SLC36A1: variants seen among roughly 807,000 people sequenced by gnomAD.
The protein encoded by SLC36A1 is proton-coupled amino acid transporter 1.
A neutral mutation model predicts 47.5 loss-of-function variants in SLC36A1; 30 were observed. That is an observed-to-expected ratio of 0.63 (90% confidence interval 0.47 to 0.86). The LOEUF (loss-of-function observed/expected upper bound fraction) is 0.86. Among genes scored for constraint, SLC36A1 ranks in the 40% least tolerant of loss-of-function variants. The pLI is 0.00. For missense variants in SLC36A1, 517 were observed against 606.0 expected, an observed-to-expected ratio of 0.85 and a Z score of 1.54; for synonymous variants, 255 against 249.7, an observed-to-expected ratio of 1.02 and a Z score of -0.20.
At chr5:151,494,624 G>T (rs1180131178), downstream of SLC36A1, among the ~76,000 whole-genome samples, 1 of 152,158 alleles carries the variant, frequency 6.6e-6, no homozygotes, top group Non-Finnish European at 1.5e-5. Context: ...GTTGTTACAT[G>T]TATCTGTAAT....
the SLC36A1 span, chr5:151,505,807 C>T: frequency 6.2e-7 from 1 of 1,613,820 alleles, no homozygotes; most frequent in Non-Finnish European, 8.5e-7. Context: ...GCCGTGTACT[C>T]ATTGAGACAG....
At chr5:151,405,704 T>A in the SLC36A1 span, among the ~76,000 whole-genome samples, 3 of 152,340 alleles carry the variant, frequency 2.0e-5, no homozygotes, top group Non-Finnish European at 2.9e-5. Context: ...TTTCTTTATC[T>A]TTTTGAATTT....
chr5:151,362,581 A>G, the SLC36A1 span, among the ~76,000 whole-genome samples: 4 of 151,670 alleles, frequency 2.6e-5, no homozygotes, highest in African/African-American at 9.7e-5. Context: ...AGTAGAGATG[A>G]GGTTTCACCA....
chr5:151,512,476 C>G, the SLC36A1 span: 1 of 1,614,168 alleles, frequency 6.2e-7, no homozygotes, highest in Non-Finnish European at 8.5e-7. The surrounding 1 kb of genome is among the most constrained non-coding windows in gnomAD (Gnocchi z 4.1). Context: ...AACCATCAGG[C>G]GAATGGAAGC....
At chr5:151,505,155 C>T in the SLC36A1 span, 1 of 280,354 alleles carries the variant, frequency 3.6e-6, no homozygotes, top group Non-Finnish European at 6.8e-6. Context: ...CACCAACCTG[C>T]CTGCCTCCAA....
chr5:151,533,393 A>AAAACACACACCC, the SLC36A1 span, among the ~76,000 whole-genome samples: 1 of 132,114 alleles, frequency 7.6e-6, no homozygotes, highest in African/African-American at 2.8e-5. Context: ...TGTTATCTCC[A>AAAACACACACCC]ACACACACAC....
intron 10 of SLC36A1, among the ~76,000 whole-genome samples, chr5:151,483,709 C>T (rs774277376): frequency 6.6e-6 from 1 of 152,156 alleles, no homozygotes; most frequent in African/African-American, 2.4e-5. Flanking sequence ...AAGTCATTTT[C>T]CATGGTGGCA....
the SLC36A1 span, among the ~76,000 whole-genome samples, chr5:151,420,457 T>A: frequency 5.9e-5 from 9 of 152,320 alleles, no homozygotes; most frequent in African/African-American, 1.9e-4. Flanking sequence ...GACACGCTGC[T>A]GCTTCCCAGA....
chr5:151,375,133 T>C, the SLC36A1 span, among the ~76,000 whole-genome samples: 2 of 152,220 alleles, frequency 1.3e-5, no homozygotes, highest in Non-Finnish European at 2.9e-5. Context: ...ATTCTTCGCC[T>C]AGTCTAATGT....
the SLC36A1 span, among the ~76,000 whole-genome samples, chr5:151,554,030 C>T: frequency 1.3e-5 from 2 of 152,200 alleles, no homozygotes; most frequent in South Asian, 2.1e-4. Context: ...AAAGGTTAAA[C>T]GACTTGTCCA....
chr5:151,507,699 T>C, the SLC36A1 span: 2 of 1,248,040 alleles, frequency 1.6e-6, no homozygotes, highest in Non-Finnish European at 2.2e-6. Context: ...TAGAGACTGC[T>C]CCCCCCAAAA....
chr5:151,458,312 GTA>G (rs35929969), intron 1 of SLC36A1, among the ~76,000 whole-genome samples: 6,270 of 111,116 alleles, frequency 0.056, 503 homozygotes, highest in African/African-American at 0.2. Context: ...GTGTATATAC[GTA>G]TATATATATA....
At chr5:151,501,918 C>G in the SLC36A1 span, among the ~76,000 whole-genome samples, 3 of 148,496 alleles carry the variant, frequency 2.0e-5, no homozygotes, top group East Asian at 5.8e-4. Context: ...TAGATGATAA[C>G]ATAGGAGAAA....
At chr5:151,352,743 C>G in the SLC36A1 span, among the ~76,000 whole-genome samples, 1 of 152,226 alleles carries the variant, frequency 6.6e-6, no homozygotes, top group Non-Finnish European at 1.5e-5. Context: ...CTCTCTCTGA[C>G]TCTGCTTCTA....
the SLC36A1 span, among the ~76,000 whole-genome samples, chr5:151,533,392 CAACACACACACACACACA>C: frequency 8.6e-6 from 1 of 116,500 alleles, no homozygotes; most frequent in East Asian, 2.5e-4. Flanking sequence ...TTGTTATCTC[CAACACACACACACACACA>C]CACACACACA....
the SLC36A1 span, among the ~76,000 whole-genome samples, chr5:151,394,016 T>G: frequency 6.6e-6 from 1 of 152,358 alleles, no homozygotes; most frequent in African/African-American, 2.4e-5. Flanking sequence ...TTGGTTCCAT[T>G]CTCCCCATCA....
the SLC36A1 span, among the ~76,000 whole-genome samples, chr5:151,405,224 AT>A: frequency 6.6e-6 from 1 of 152,066 alleles, no homozygotes; most frequent in African/African-American, 2.4e-5. Flanking sequence ...AAAATTTTCA[AT>A]TCCAGAATAA....
At position 151,467,886 on chromosome 5, in the gene SLC36A1, G is replaced by T; in HGVS notation, c.684G>T (p.Met228Ile). The change falls in exon 7 of 11, where the codon ATG (methionine) becomes ATT (isoleucine). Residue 228 changes from methionine to isoleucine, a missense_variant. Met to Ile is a conservative substitution (Grantham distance 10). Transcript: ENST00000243389. ...TCTCCCTGTTGGCCAACATCACCAT[G>T]CTGGTCAGCTTGGTCATGATCTACC... The part of the protein sequence containing the change: ...SIFSLLANIT[M>I]LVSLVMIYQF... 10 of 1,613,804 alleles carry T rather than the reference G, an allele frequency of 6.2e-6. No homozygotes were observed. The highest frequency in any genetic ancestry group is 6.8e-6 in the Non-Finnish European group (8 of 1,179,954).
chr5:151,537,834 T>G, the SLC36A1 span: 1 of 1,614,102 alleles, frequency 6.2e-7, no homozygotes, highest in Non-Finnish European at 8.5e-7. Flanking sequence ...CCCAGGGCCA[T>G]GCAGAGAATA....
Sources: gnomAD v4.1 joint callset for allele counts (sites outside exome capture counted in the v4.1 genomes callset) on GRCh38, gnomAD v4.1.1 for gene constraint, Gnocchi (gnomAD v3.1) non-coding constraint, MANE v1.5 for transcripts, NCBI Gene and HGNC (gene_info 2026-07-23, HGNC 2026-07-21) for gene names.